TASOR: variants seen among roughly 807,000 people sequenced by gnomAD.
The protein encoded by TASOR is protein TASOR.
Under a neutral mutation model 178.6 loss-of-function variants are expected in TASOR, and 53 were observed. The observed-to-expected ratio is 0.30, with a 90% confidence interval of 0.24 to 0.37. The LOEUF is 0.37. Ranked by LOEUF, TASOR falls within the 10% of genes least tolerant of loss-of-function variation. The pLI is 1.00. For missense variants in TASOR, 1,815 were observed against 1,971.4 expected, an observed-to-expected ratio of 0.92 and a Z score of 1.50; for synonymous variants, 713 against 696.2, an observed-to-expected ratio of 1.02 and a Z score of -0.38.
rs1008695471 is a variant in TASOR, at chr3:56,621,436, G to C, written c.*1601C>G. 11 of 836,360 alleles carry C rather than the reference G, an allele frequency of 1.3e-5. No homozygotes were observed. In the African/African-American group the frequency reaches 1.4e-4, roughly 10 times the overall value. The allele number at this position is 836,360 out of a possible 1,614,324, so 51.8% of individuals were successfully genotyped here. A position where few individuals can be genotyped will look rare whatever the true frequency, so the allele number is the denominator to read the frequency against. On this transcript the variant is annotated 3_prime_UTR_variant, in exon 24 of 24. Transcript: ENST00000683822. ...TGAATGACAAAATTTTATCCTAAGC[G>C]ATATGTTTTCCAAGTGAATATAATT...
intron 1 of TASOR, among the ~76,000 whole-genome samples, chr3:56,681,771 A>AT (rs1239725784): frequency 6.6e-6 from 1 of 152,212 alleles, no homozygotes; most frequent in Admixed American, 6.5e-5. Flanking sequence ...AACGATACTA[A>AT]TTTTGACCTC....
intron 6 of TASOR, among the ~76,000 whole-genome samples, chr3:56,667,265 A>C (rs1206868832): frequency 6.6e-6 from 1 of 152,250 alleles, no homozygotes; most frequent in East Asian, 1.9e-4. Context: ...TACATAAATA[A>C]AGCAAAAATT....
At position 56,628,577 on chromosome 3, in the gene TASOR, G is replaced by A; in HGVS notation, c.3785C>T (p.Pro1262Leu). Residue 1262 changes from proline to leucine, a missense_variant, in exon 19 of 24, where the codon CCT (proline) becomes CTT (leucine). By Grantham distance (98) the Pro-to-Leu change is moderately conservative. Around this residue, in one of 5 missense-constraint regions of TASOR, gnomAD observed 655 missense variants for 671.1 expected, o/e 0.98. Coordinates refer to ENST00000683822, the MANE Select transcript of TASOR (RefSeq NM_001365635.2). ...TGATCTTCTTTCCAAAAACTGTTCA[G>A]GATGACATTCTGTATTGCCTAATTT... ...LIKLGNTECHPEQFLERRSKL... is the reference protein window; with the variant it reads ...LIKLGNTECHLEQFLERRSKL... 1 of 1,588,502 alleles carries A rather than the reference G, an allele frequency of 6.3e-7. No individual in the cohort carries two copies. The highest frequency in any genetic ancestry group is 8.6e-7 in the Non-Finnish European group (1 of 1,160,022).
intron 17 of TASOR, among the ~76,000 whole-genome samples, chr3:56,638,480 G>C (rs932525569): frequency 3.9e-5 from 6 of 152,158 alleles, no homozygotes; most frequent in African/African-American, 1.4e-4. Flanking sequence ...TACTATGGGT[G>C]AAGAAAATTT....
intron 1 of TASOR, among the ~76,000 whole-genome samples, chr3:56,680,077 CAAAAGCAGCT>C (rs1414871095): frequency 1.3e-5 from 2 of 152,084 alleles, no homozygotes; most frequent in African/African-American, 4.8e-5. Flanking sequence ...CAGGTCAGGT[CAAAAGCAGCT>C]AACTTAAACC....
At chr3:56,674,782 C>T (rs1229630113) in intron 1 of TASOR, among the ~76,000 whole-genome samples, 2 of 152,166 alleles carry the variant, frequency 1.3e-5, no homozygotes, top group African/African-American at 2.4e-5. Context: ...CTAGACAACA[C>T]GTGGAAAAAG....
At position 56,628,617 on chromosome 3, in the gene TASOR, G is replaced by A; in HGVS notation, c.3748-3C>T. Reference sequence around the variant, plus strand: ...TTGCCTAATTTGATAAGATATTCCTGTTAAAGAAAAACAACTAAATCAATA... The same window carrying A: ...TTGCCTAATTTGATAAGATATTCCTATTAAAGAAAAACAACTAAATCAATA... On this transcript the variant is annotated splice_polypyrimidine_tract_variant and splice_region_variant and intron_variant, in intron 18 of 23. Transcript: ENST00000683822. 1.3e-6 allele frequency: 2 copies of A among 1,526,564 alleles called. No individual in the cohort carries two copies. The highest frequency in any genetic ancestry group is 1.2e-5 in the South Asian group (1 of 81,886). 94.6% of individuals were successfully genotyped at this position (1,526,564 alleles called of 1,614,324 possible). A position where few individuals can be genotyped will look rare whatever the true frequency, so the allele number is the denominator to read the frequency against.
At chr3:56,663,494 T>C (rs1427465670) in intron 8 of TASOR, 47 bp downstream of exon 8, 2 of 968,280 alleles carry the variant, frequency 2.1e-6, no homozygotes, top group Admixed American at 3.4e-5. Context: ...TTGCTATATG[T>C]ACTTATTCTT....
chr3:56,631,869 C>T (rs1269245705), intron 18 of TASOR, among the ~76,000 whole-genome samples: 1 of 152,112 alleles, frequency 6.6e-6, no homozygotes, highest in Non-Finnish European at 1.5e-5. Flanking sequence ...AGGCGTGAGC[C>T]ACCACGCCCA....
rs1250477750 is a variant in TASOR, at chr3:56,660,923, G to T, written c.1255C>A (p.Pro419Thr). 6.2e-7 allele frequency: 1 copy of T among 1,610,928 alleles called. No individual in the cohort carries two copies. Among genetic ancestry groups the T allele is most frequent in the East Asian group, 2.2e-5 (1 of 44,786 alleles). Residue 419 changes from proline (P) to threonine (T), a missense_variant, in exon 10 of 24, where the codon CCA becomes ACA. Transcript: ENST00000683822. ...AATTAAATTACCTTACCTTCATTTG[G>T]ACCTAAGTATGTTTCCTTATAAAAC... is the stretch of plus-strand genomic sequence containing the variant. ...ALFYKETYLGPNEVLKNGMYC... is the reference protein window; with the variant it reads ...ALFYKETYLGTNEVLKNGMYC...
intron 1 of TASOR, among the ~76,000 whole-genome samples, chr3:56,680,070 G>A (rs1320706389): frequency 6.6e-6 from 1 of 152,072 alleles, no homozygotes; most frequent in Admixed American, 6.6e-5. Flanking sequence ...TTACTAACAG[G>A]TCAGGTCAAA....
At chr3:56,631,283 C>G (rs1445340179) in intron 18 of TASOR, among the ~76,000 whole-genome samples, 1 of 152,156 alleles carries the variant, frequency 6.6e-6, no homozygotes, top group Non-Finnish European at 1.5e-5. Context: ...GATCCCCAAA[C>G]TTACAGAAGG....
rs1365264708 is a variant in TASOR at position 56,645,291 on chromosome 3, T to TA, written c.2215+1230dup. ...TTTGTCTCAAAAATAAATAAATAAATAAAAAGAGCAGGAAAGTGAAAAGTG... is the reference window on the plus strand; with the variant it reads ...TTTGTCTCAAAAATAAATAAATAAATAAAAAAGAGCAGGAAAGTGAAAAGTG... On this transcript the variant is annotated intron_variant, in intron 14 of 23. Transcript: ENST00000683822. Among the ~76,000 whole-genome samples, 7 of 151,810 alleles carry TA rather than the reference T, an allele frequency of 4.6e-5. No homozygotes were observed. In the South Asian group the frequency reaches 1.0e-3, roughly 23 times the overall value.
chr3:56,678,145 T>G (rs2031473441), intron 1 of TASOR, among the ~76,000 whole-genome samples: 1 of 151,948 alleles, frequency 6.6e-6, no homozygotes, highest in Non-Finnish European at 1.5e-5. Context: ...CAAATATTTT[T>G]TATTACTAGT....
intron 14 of TASOR, among the ~76,000 whole-genome samples, chr3:56,644,610 A>G (rs2107573725): frequency 6.6e-6 from 1 of 152,338 alleles, no homozygotes; most frequent in East Asian, 1.9e-4. Flanking sequence ...ACAAAGCCTT[A>G]AAAAGCAAGT....
At position 56,683,164 on chromosome 3, in the gene TASOR, G is replaced by T; in HGVS notation, c.-158C>A. On this transcript the variant is annotated 5_prime_UTR_variant, in exon 1 of 24. Transcript: ENST00000683822. ...TGCGCTCCCGACCTGGCAGCCTCTT[G>T]GGGGGCCCTGTAGCGGGCACCCCAA... The T allele has an allele frequency of 1.3e-6, 1 of 764,074 alleles. No homozygotes were observed. Among genetic ancestry groups the T allele is most frequent in the Non-Finnish European group, 2.0e-6 (1 of 492,808 alleles). 47.3% of individuals were successfully genotyped at this position (764,074 alleles called of 1,614,324 possible).
chr3:56,627,709 G>A lies in TASOR; in HGVS notation c.3903C>T (p.Pro1301=), dbSNP rs1467073638. The A allele has an allele frequency of 6.2e-7, 1 of 1,613,950 alleles. No homozygotes were observed. The highest frequency in any genetic ancestry group is 8.5e-7 in the Non-Finnish European group (1 of 1,179,942). The part of the protein sequence containing the change: ...IPGLVTLKKL[P]CVSFAGVDSL... ...TATCAACACCAGCAAAACTAACACA[G>A]GGGAGCTTCTTTAAAGTCACCAAGC... The change falls in exon 20 of 24, where the codon CCC becomes CCT. Residue 1301 remains proline (P), a synonymous_variant. Transcript: ENST00000683822.
At chr3:56,623,590 C>G in intron 23 of TASOR, 24 bp from the exon 24 acceptor site, 1 of 1,552,000 alleles carries the variant, frequency 6.4e-7, no homozygotes, top group Non-Finnish European at 8.6e-7. Context: ...ACAAAAAGTC[C>G]TCCTCTATTG....
At chr3:56,674,881 C>T (rs1285948209) in intron 1 of TASOR, among the ~76,000 whole-genome samples, 3 of 152,194 alleles carry the variant, frequency 2.0e-5, no homozygotes, top group African/African-American at 7.2e-5. Flanking sequence ...TGCAGTGACA[C>T]AATCTTGGCT....
Sources: gnomAD v4.1 joint callset for allele counts (sites outside exome capture counted in the v4.1 genomes callset) on GRCh38, gnomAD v4.1.1 for gene constraint, gnomAD v4.1.1 regional missense constraint, MANE v1.5 for transcripts, NCBI Gene and HGNC (gene_info 2026-07-23, HGNC 2026-07-21) for gene names.